DGAT2L6: variants seen among roughly 807,000 people sequenced by gnomAD.
The protein encoded by DGAT2L6 is diacylglycerol O-acyltransferase 2 like 6, also known as diacylglycerol O-acyltransferase 2-like protein 6.
Under a neutral mutation model 25.5 loss-of-function variants are expected in DGAT2L6, and 22 were observed. The ratio of observed to expected loss-of-function variants is 0.86; its 90% confidence interval spans 0.62 to 1.23. The LOEUF is 1.23. DGAT2L6 is among the 50% of genes most tolerant of loss of function. The pLI, the probability that DGAT2L6 is intolerant of heterozygous loss-of-function variation, is 0.00. For missense variants in DGAT2L6, 287 were observed against 253.2 expected (o/e 1.13, Z -0.91); for synonymous variants, 100 against 94.7 (o/e 1.06, Z -0.32).
intron 5 of DGAT2L6, 96 bp downstream of exon 5, chrX:70,202,160 G>A (rs1466566761): frequency 4.9e-6 from 4 of 822,748 alleles, no homozygotes; most frequent in Non-Finnish European, 6.4e-6. Flanking sequence ...CTGTTAGAGG[G>A]CCCCCATCTT....
At chrX:70,203,394 G>C (rs2085417557) in intron 5 of DGAT2L6, among the ~76,000 whole-genome samples, 1 of 112,131 alleles carries the variant, frequency 8.9e-6, no homozygotes, top group Admixed American at 9.5e-5. Context: ...TGCCACGTGA[G>C]CACCAATTTA....
intron 1 of DGAT2L6, among the ~76,000 whole-genome samples, chrX:70,191,261 C>A (rs73634811): frequency 0.016 from 1,827 of 110,998 alleles, 31 homozygotes; most frequent in African/African-American, 0.057. Flanking sequence ...GACAACTGAA[C>A]AAAATCAGAA....
intron 1 of DGAT2L6, among the ~76,000 whole-genome samples, chrX:70,182,467 A>ATTT (rs1569427581): frequency 9.0e-4 from 57 of 63,452 alleles, no homozygotes; most frequent in African/African-American, 4.3e-3. Context: ...TTTCAAAAGC[A>ATTT]TCTTTTTTTT....
Position 70,177,681 on chromosome X carries a change from A to C in DGAT2L6, c.85+14A>C. The C allele has an allele frequency of 7.5e-6, 9 of 1,193,059 alleles. No homozygotes were observed. Among genetic ancestry groups the C allele is most frequent in the Non-Finnish European group, 1.0e-5 (9 of 879,972 alleles). On this transcript the variant is annotated intron_variant, in intron 1 of 6. Coordinates refer to ENST00000333026, the MANE Select transcript of DGAT2L6 (RefSeq NM_198512.3). The stretch of plus-strand genomic sequence containing the variant: ...ATATATTTTTAGGTGAGTGAACCCC[A>C]AGGGCTGGAGAGCACATGGGGAACA...
intron 1 of DGAT2L6, among the ~76,000 whole-genome samples, chrX:70,178,484 C>T (rs975177057): frequency 3.6e-5 from 4 of 111,133 alleles, no homozygotes; most frequent in Admixed American, 9.6e-5. Context: ...GTCGCCCAGG[C>T]TGGAGTGCAA....
At chrX:70,204,578 C>G (rs1487427486) in intron 6 of DGAT2L6, 62 bp downstream of exon 6, 1 of 1,154,495 alleles carries the variant, frequency 8.7e-7, no homozygotes, top group Non-Finnish European at 1.2e-6. Flanking sequence ...CACTTTAAAT[C>G]ATCCATCAAG....
chrX:70,199,762 G>A (rs776719642), intron 2 of DGAT2L6, 50 bp from the exon 3 acceptor site: 2 of 1,139,637 alleles, frequency 1.8e-6, no homozygotes, highest in Non-Finnish European at 2.4e-6. Flanking sequence ...GGGAGAGGTA[G>A]AGGGACTGCA....
chrX:70,181,079 C>T (rs1435640382), intron 1 of DGAT2L6, among the ~76,000 whole-genome samples: 3 of 112,158 alleles, frequency 2.7e-5, no homozygotes, highest in East Asian at 5.6e-4. Flanking sequence ...AATGGAATTC[C>T]TGGATCACAC....
chrX:70,187,571 C>G (rs1409719139), intron 1 of DGAT2L6, among the ~76,000 whole-genome samples: 1 of 111,889 alleles, frequency 8.9e-6, no homozygotes, highest in Non-Finnish European at 1.9e-5. Flanking sequence ...AACTTAGATA[C>G]AGTAAGTAAT....
rs2085331923 is a variant in DGAT2L6 at position 70,177,917 on chromosome X, A to G, written c.85+250A>G. Among the ~76,000 whole-genome samples, 4 of 109,740 alleles carry G rather than the reference A, an allele frequency of 3.6e-5. No homozygotes were observed. The Admixed American group carries it at 3.9e-4, about 11-fold the overall frequency. Reference sequence around the variant, plus strand: ...CGAGGCAGGTGGATCACCTGAGGTCAGGAGTTTGAGACCAGCCTGGCCAAC... The same window carrying G: ...CGAGGCAGGTGGATCACCTGAGGTCGGGAGTTTGAGACCAGCCTGGCCAAC... On this transcript the variant is annotated intron_variant, in intron 1 of 6. Coordinates refer to ENST00000333026, the MANE Select transcript of DGAT2L6 (RefSeq NM_198512.3).
chrX:70,183,952 C>T (rs759289926), intron 1 of DGAT2L6, among the ~76,000 whole-genome samples: 2 of 110,683 alleles, frequency 1.8e-5, no homozygotes, highest in South Asian at 7.8e-4. Flanking sequence ...AAATGGGGGG[C>T]TCCTTTGAGC....
Position 70,201,897 on chromosome X carries a change from C to T in DGAT2L6, c.480C>T (p.Cys160=). ...VREYVMSMGV[C]PVSSSALKYL... ...GACTCTTTGGTTTCACAGGTGTGTG[C>T]CCTGTGAGTAGCTCAGCCTTGAAGT... is the stretch of plus-strand genomic sequence containing the variant. The change falls in exon 5 of 7, where the codon TGC becomes TGT. Residue 160 remains cysteine, a synonymous_variant. Transcript: ENST00000333026. 8.4e-7 allele frequency: 1 copy of T among 1,187,713 alleles called. No individual in the cohort carries two copies. The highest frequency in any genetic ancestry group is 1.8e-5 in the African/African-American group (1 of 56,696).
At chrX:70,178,840 TGTGA>T (rs2085334725) in intron 1 of DGAT2L6, among the ~76,000 whole-genome samples, 1 of 112,534 alleles carries the variant, frequency 8.9e-6, no homozygotes, top group Non-Finnish European at 1.9e-5. Context: ...TAGGAGTACC[TGTGA>T]GTGTCAGTAA....
At chrX:70,187,897 A>G (rs1035635031) in intron 1 of DGAT2L6, among the ~76,000 whole-genome samples, 17 of 112,135 alleles carry the variant, frequency 1.5e-4, no homozygotes, top group Non-Finnish European at 2.6e-4. Flanking sequence ...GGGGTAAGAC[A>G]ATCTTGGTTT....
intron 1 of DGAT2L6, among the ~76,000 whole-genome samples, chrX:70,186,539 C>G (rs1307063930): frequency 4.5e-5 from 5 of 111,694 alleles, no homozygotes; most frequent in African/African-American, 1.6e-4. Flanking sequence ...GGGAAGTAGA[C>G]AAAGGTGGTC....
intron 1 of DGAT2L6, 112 bp from the exon 2 acceptor site, chrX:70,199,159 T>A: frequency 4.5e-6 from 2 of 447,307 alleles, no homozygotes. Context: ...GAGAGAAGAG[T>A]CCCACATCAG....
chrX:70,179,734 A>G (rs2382580), intron 1 of DGAT2L6, among the ~76,000 whole-genome samples: 11,399 of 107,566 alleles, frequency 0.11, 1,109 homozygotes, highest in African/African-American at 0.3. Flanking sequence ...CGCACAGCTA[A>G]TTTTTGTATT....
intron 1 of DGAT2L6, among the ~76,000 whole-genome samples, chrX:70,189,458 G>A (rs2085369237): frequency 8.9e-6 from 1 of 111,951 alleles, no homozygotes; most frequent in Admixed American, 9.5e-5. Flanking sequence ...ACTGTAAAAT[G>A]CTGATGAATA....
intron 1 of DGAT2L6, among the ~76,000 whole-genome samples, chrX:70,180,340 T>C (rs998591020): frequency 9.1e-6 from 1 of 110,420 alleles, no homozygotes; most frequent in African/African-American, 3.3e-5. Flanking sequence ...TCCTAGCTAC[T>C]CGGGAGGCTG....
Sources: gnomAD v4.1 joint callset for allele counts (sites outside exome capture counted in the v4.1 genomes callset) on GRCh38, gnomAD v4.1.1 for gene constraint, MANE v1.5 for transcripts, NCBI Gene and HGNC (gene_info 2026-07-23, HGNC 2026-07-21) for gene names.